The following LGSN variants were observed in gnomAD, a reference collection of about 807,000 sequenced individuals.
LGSN encodes the protein lengsin.
In LGSN, 21 loss-of-function variants were observed where a neutral mutation model predicts 19.5. The ratio of observed to expected loss-of-function variants is 1.07; its 90% CI spans 0.76 to 1.55. The LOEUF is 1.55. LGSN is among the 40% of genes most tolerant of loss of function. LGSN has a pLI of 0.00. For missense variants in LGSN, 673 were observed against 608.5 expected (o/e 1.11, Z -1.12); for synonymous variants, 257 against 215.6 (o/e 1.19, Z -1.68).
chr6:63,313,100 T>G (rs1434159183), intron 1 of LGSN, among the ~76,000 whole-genome samples: 1 of 151,988 alleles, frequency 6.6e-6, no homozygotes, highest in African/African-American at 2.4e-5. Flanking sequence ...ATAAGAGATG[T>G]AAAAGAGAAC....
At chr6:63,365,123 T>G in the LGSN span, among the ~76,000 whole-genome samples, 2 of 152,076 alleles carry the variant, frequency 1.3e-5, no homozygotes, top group African/African-American at 4.8e-5. Flanking sequence ...TAAAAAACCC[T>G]TCAAAAAATC....
intron 3 of LGSN, among the ~76,000 whole-genome samples, chr6:63,283,384 A>G (rs1473559327): frequency 6.6e-6 from 1 of 152,168 alleles, no homozygotes; most frequent in East Asian, 1.9e-4. Context: ...TGAAACTTGG[A>G]CCATAGTAAA....
At chr6:63,572,818 G>T in the LGSN span, 1 of 396,286 alleles carries the variant, frequency 2.5e-6, no homozygotes, top group Non-Finnish European at 4.5e-6. Flanking sequence ...TCTCCTCCAG[G>T]TTGCCCCGGG....
At chr6:63,330,820 C>G in the LGSN span, among the ~76,000 whole-genome samples, 1 of 152,190 alleles carries the variant, frequency 6.6e-6, no homozygotes, top group East Asian at 1.9e-4. Flanking sequence ...TCTCCAAACT[C>G]TCGGGCTGCA....
chr6:63,545,126 G>A, the LGSN span, among the ~76,000 whole-genome samples: 1 of 152,102 alleles, frequency 6.6e-6, no homozygotes, highest in African/African-American at 2.4e-5. Flanking sequence ...ATTTAAATAT[G>A]TACTCATTGA....
the LGSN span, among the ~76,000 whole-genome samples, chr6:63,404,670 G>C: frequency 6.6e-6 from 1 of 152,088 alleles, no homozygotes; most frequent in East Asian, 1.9e-4. Flanking sequence ...TACCATTCAT[G>C]AGGGGATCAC....
At chr6:63,456,485 A>G in the LGSN span, among the ~76,000 whole-genome samples, 4 of 149,694 alleles carry the variant, frequency 2.7e-5, no homozygotes, top group South Asian at 6.4e-4. Flanking sequence ...CAGCCTCCCA[A>G]AGTACTGGGA....
At chr6:63,549,566 GT>G in the LGSN span, 1,331 of 493,490 alleles carry the variant, frequency 2.7e-3, no homozygotes, top group South Asian at 5.3e-3. Context: ...AAGATTTGAA[GT>G]TTTTTTTTTT....
chr6:63,495,938 A>ATTT, the LGSN span, among the ~76,000 whole-genome samples: 7 of 150,880 alleles, frequency 4.6e-5, no homozygotes, highest in African/African-American at 1.5e-4. Context: ...AATTTTTTTA[A>ATTT]AAAAAAAAGA....
the LGSN span, among the ~76,000 whole-genome samples, chr6:63,505,634 A>AAAGAAAGAAATT: frequency 5.5e-5 from 7 of 127,344 alleles, no homozygotes; most frequent in South Asian, 2.5e-4. Context: ...AGAAAGAAAG[A>AAAGAAAGAAATT]AATTCTGGCA....
chr6:63,466,777 A>G, the LGSN span, among the ~76,000 whole-genome samples: 6 of 152,282 alleles, frequency 3.9e-5, no homozygotes, highest in South Asian at 1.2e-3. Flanking sequence ...TACCAAGACT[A>G]TGGGAAGAGT....
chr6:63,280,587 C>T lies in LGSN; in HGVS notation c.964G>A (p.Asp322Asn), dbSNP rs766536531. 9.3e-6 allele frequency: 15 copies of T among 1,613,926 alleles called. No individual in the cohort carries two copies. Among genetic ancestry groups the T allele is most frequent in the Middle Eastern group, 1.6e-4 (1 of 6,084 alleles). ...GILSHSLWDV[D>N]RKKNMFCSTS... The stretch of plus-strand genomic sequence containing the variant: ...CTGCAGAACATGTTTTTCTTCCTAT[C>T]GACATCCCAGAGACTATGAGACAAA... Residue 322 changes from aspartate (D) to asparagine (N), a missense_variant, in exon 4 of 4, where the codon GAT becomes AAT. Asp to Asn is a conservative substitution (Grantham distance 23). Coordinates refer to ENST00000370657, the MANE Select transcript of LGSN (RefSeq NM_016571.3).
chr6:63,438,057 T>C, the LGSN span, among the ~76,000 whole-genome samples: 211 of 152,300 alleles, frequency 1.4e-3, 1 homozygote, highest in African/African-American at 4.9e-3. Flanking sequence ...TAGGTCTACA[T>C]TGTACTAAAG....
chr6:63,392,861 G>A, the LGSN span, among the ~76,000 whole-genome samples: 1 of 150,046 alleles, frequency 6.7e-6, no homozygotes, highest in East Asian at 1.9e-4. Flanking sequence ...TGTTCAAGAT[G>A]GTGGCTCCAT....
the LGSN span, among the ~76,000 whole-genome samples, chr6:63,363,481 TA>T: frequency 6.6e-6 from 1 of 152,082 alleles, no homozygotes; most frequent in Non-Finnish European, 1.5e-5. Context: ...CCAACTAGAA[TA>T]AACGGTGTAG....
At chr6:63,433,536 G>C in the LGSN span, among the ~76,000 whole-genome samples, 1 of 152,152 alleles carries the variant, frequency 6.6e-6, no homozygotes, top group Admixed American at 6.6e-5. Flanking sequence ...TTGAATATCT[G>C]TGATTCACAG....
chr6:63,457,231 C>G, the LGSN span, among the ~76,000 whole-genome samples: 4 of 152,126 alleles, frequency 2.6e-5, no homozygotes, highest in Non-Finnish European at 4.4e-5. Context: ...TTGGACCGGG[C>G]GTGGTGGCTC....
chr6:63,457,712 T>C, the LGSN span, among the ~76,000 whole-genome samples: 10,295 of 151,876 alleles, frequency 0.068, 1,081 homozygotes, highest in African/African-American at 0.22. Context: ...AGCCCGTCTC[T>C]CCTAAAAATA....
the LGSN span, among the ~76,000 whole-genome samples, chr6:63,401,961 T>C: frequency 1.6e-3 from 238 of 152,350 alleles, 2 homozygotes; most frequent in African/African-American, 5.4e-3. Context: ...GACGAGCAAC[T>C]GTAAGCAGCC....
Sources: allele counts gnomAD v4.1 joint callset (sites outside exome capture counted in the v4.1 genomes callset), GRCh38; gene constraint gnomAD v4.1.1; transcripts MANE v1.5; gene names NCBI Gene and HGNC (gene_info 2026-07-23, HGNC 2026-07-21).